The following CADPS2 variants were observed in gnomAD, a reference collection of about 807,000 sequenced individuals.
CADPS2 encodes the protein calcium-dependent secretion activator 2.
A neutral mutation model predicts 172.5 loss-of-function variants in CADPS2; 93 were observed. The observed-to-expected ratio is 0.54, with a 90% CI of 0.46 to 0.64. CADPS2 has a LOEUF of 0.64. Ranked by LOEUF, CADPS2 falls within the 30% of genes least tolerant of loss-of-function variation. The pLI, the probability that CADPS2 is intolerant of heterozygous loss-of-function variation, is 0.00. For synonymous variants in CADPS2, 546 were observed against 555.2 expected (o/e 0.98, Z 0.23); for missense variants, 1,420 against 1,565.9 (o/e 0.91, Z 1.57).
intron 2 of CADPS2, among the ~76,000 whole-genome samples, chr7:122,686,877 G>T (rs891884317): frequency 3.3e-5 from 5 of 152,058 alleles, no homozygotes; most frequent in African/African-American, 9.7e-5. Flanking sequence ...TAGAGACGGG[G>T]TTTTACCATG....
intron 3 of CADPS2, among the ~76,000 whole-genome samples, chr7:122,643,637 G>A (rs2077946238): frequency 6.6e-6 from 1 of 152,040 alleles, no homozygotes; most frequent in African/African-American, 2.4e-5. Context: ...TTCTGCATAT[G>A]ATTCTCATTA....
intron 8 of CADPS2, among the ~76,000 whole-genome samples, chr7:122,547,899 T>A (rs1188395797): frequency 6.6e-6 from 1 of 152,142 alleles, no homozygotes; most frequent in Non-Finnish European, 1.5e-5. Flanking sequence ...CAAAGGTCTT[T>A]AGAATGCTAA....
At chr7:122,424,302 ATCACAG>A in intron 17 of CADPS2, 7 of 979,256 alleles carry the variant, frequency 7.1e-6, no homozygotes, top group Non-Finnish European at 8.5e-6. Flanking sequence ...TTGTTCTGTC[ATCACAG>A]TCACATTAAC....
At chr7:122,735,601 T>C (rs2092096301) in intron 2 of CADPS2, among the ~76,000 whole-genome samples, 1 of 152,190 alleles carries the variant, frequency 6.6e-6, no homozygotes, top group Non-Finnish European at 1.5e-5. Context: ...TGAAATATTC[T>C]AGGTTTACAC....
At chr7:122,502,165 T>C (rs2059260543) in intron 9 of CADPS2, among the ~76,000 whole-genome samples, 1 of 152,126 alleles carries the variant, frequency 6.6e-6, no homozygotes, top group Non-Finnish European at 1.5e-5. Flanking sequence ...GCTTTTATTC[T>C]CTTTTCTCAG....
At chr7:122,522,434 T>A (rs1007530193) in intron 8 of CADPS2, among the ~76,000 whole-genome samples, 5 of 151,946 alleles carry the variant, frequency 3.3e-5, no homozygotes, top group East Asian at 1.9e-4. Context: ...TAAAAAAAAA[T>A]TTTACTGATA....
chr7:122,460,784 C>CA (rs2054344544), intron 14 of CADPS2, among the ~76,000 whole-genome samples: 2 of 151,986 alleles, frequency 1.3e-5, no homozygotes, highest in African/African-American at 4.8e-5. Flanking sequence ...AAGCAGAGCT[C>CA]AAAAAGAATC....
At chr7:122,521,426 C>G (rs1363126435) in intron 8 of CADPS2, among the ~76,000 whole-genome samples, 1 of 132,804 alleles carries the variant, frequency 7.5e-6, no homozygotes, top group Admixed American at 9.1e-5. Context: ...CTTCCTTTCA[C>G]TACATTCTTT....
At chr7:122,808,352 T>G (rs1799268762) in intron 1 of CADPS2, among the ~76,000 whole-genome samples, 1 of 152,236 alleles carries the variant, frequency 6.6e-6, no homozygotes. Flanking sequence ...AAATGTGGTT[T>G]TGCAATATCA....
intron 7 of CADPS2, among the ~76,000 whole-genome samples, chr7:122,560,366 CTATA>C (rs1161101034): frequency 6.6e-6 from 1 of 152,046 alleles, no homozygotes; most frequent in Non-Finnish European, 1.5e-5. Flanking sequence ...GTGTGTTATC[CTATA>C]TAGGTAACAT....
rs78235665 is a variant in CADPS2 at position 122,522,979 on chromosome 7, A to C, written c.1476-9664T>G. Among the ~76,000 whole-genome samples, 1,187 of 152,294 alleles carry C rather than the reference A, an allele frequency of 7.8e-3. 15 individuals are homozygous for C. Among genetic ancestry groups the C allele is most frequent in the African/African-American group, 0.028 (1,147 of 41,566 alleles). On this transcript the variant is annotated intron_variant, in intron 8 of 29. Transcript: ENST00000449022. ...TTTCTTGATCCATTCATTTGTTGAT[A>C]AACAGGCTGATTTCATATGTTGGCT...
chr7:122,627,093 TAA>T (rs1164299936), intron 4 of CADPS2, among the ~76,000 whole-genome samples: 1 of 152,224 alleles, frequency 6.6e-6, no homozygotes, highest in African/African-American at 2.4e-5. Context: ...AGCAGGATGT[TAA>T]GAGAGCGAGC....
chr7:122,689,424 G>A (rs1266688799), intron 2 of CADPS2, among the ~76,000 whole-genome samples: 3 of 152,190 alleles, frequency 2.0e-5, no homozygotes, highest in Non-Finnish European at 1.5e-5. Flanking sequence ...ATGCAATTCA[G>A]GGCCCGAGCT....
intron 2 of CADPS2, among the ~76,000 whole-genome samples, chr7:122,687,738 ATATCT>A (rs1259848412): frequency 2.6e-5 from 4 of 152,212 alleles, no homozygotes; most frequent in African/African-American, 9.6e-5. Context: ...GGTGACAAAA[ATATCT>A]TATAACATAG....
At chr7:122,848,284 C>T (rs1245677631) in intron 1 of CADPS2, among the ~76,000 whole-genome samples, 1 of 152,258 alleles carries the variant, frequency 6.6e-6, no homozygotes, top group East Asian at 1.9e-4. Context: ...TGCGACAGAG[C>T]CCACAGAGGT....
intron 1 of CADPS2, among the ~76,000 whole-genome samples, chr7:122,803,729 A>G (rs566093220): frequency 6.6e-6 from 1 of 152,310 alleles, no homozygotes; most frequent in Non-Finnish European, 1.5e-5. Flanking sequence ...TAAAAATTTA[A>G]TGAAGAAAAC....
chr7:122,789,012 C>T (rs1355678746), intron 1 of CADPS2, among the ~76,000 whole-genome samples: 2 of 152,144 alleles, frequency 1.3e-5, no homozygotes, highest in Admixed American at 1.3e-4. Flanking sequence ...AGTACTTGAC[C>T]TCTGTAACTC....
intron 17 of CADPS2, among the ~76,000 whole-genome samples, chr7:122,422,795 A>T (rs1433907753): frequency 5.4e-4 from 68 of 127,058 alleles, no homozygotes; most frequent in African/African-American, 3.0e-3. Context: ...TCTCTATTAA[A>T]AAAAAAAAAA....
chr7:122,819,926 T>C (rs1802650287), intron 1 of CADPS2, among the ~76,000 whole-genome samples: 1 of 152,128 alleles, frequency 6.6e-6, no homozygotes. Flanking sequence ...TCCTGCAGCA[T>C]GCTTTAAAAA....
Sources: gnomAD v4.1 joint callset for allele counts (sites outside exome capture counted in the v4.1 genomes callset) on GRCh38, gnomAD v4.1.1 for gene constraint, MANE v1.5 for transcripts, NCBI Gene and HGNC (gene_info 2026-07-23, HGNC 2026-07-21) for gene names.